Variants in EIF4E3 observed in about 807,000 individuals in gnomAD.
EIF4E3 encodes the protein eukaryotic translation initiation factor 4E family member 3.
EIF4E3 carries 26 observed loss-of-function variants against 31.7 expected under a neutral mutation model. That is an observed-to-expected ratio of 0.82 (90% CI 0.60 to 1.14). The LOEUF (loss-of-function observed/expected upper bound fraction) is 1.14, where lower values mean the gene tolerates loss of function less well. Among genes scored for constraint, EIF4E3 ranks in the 50% most tolerant of loss-of-function variants. EIF4E3 has a pLI of 0.00. For missense variants in EIF4E3, 304 were observed against 270.9 expected, an observed-to-expected ratio of 1.12 and a Z score of -0.86; for synonymous variants, 128 against 107.7, an observed-to-expected ratio of 1.19 and a Z score of -1.17.
exon 1 of EIF4E3, chr3:71,753,549 G>A (rs1248162845): frequency 6.6e-6 from 1 of 151,202 alleles, no homozygotes; most frequent in Admixed American, 6.6e-5. Context: ...CTGCTGCGGA[G>A]GCGCCCCCAG....
rs1282429052 is a variant in EIF4E3, at chr3:71,701,970, A to G, written c.250-2262T>C. Among the ~76,000 whole-genome samples, 5 of 152,168 alleles carry G rather than the reference A, an allele frequency of 3.3e-5. No individual in the cohort carries two copies. The East Asian group carries it at 9.6e-4, about 29-fold the overall frequency. ...TGTAAATGCTTTGCTATTTGTACAA[A>G]TAAGATTATTCCAATATTTCAGTTT... On this transcript the variant is annotated intron_variant, in intron 2 of 6. Transcript: ENST00000425534.
At chr3:71,672,232 A>AT (rs1449922197), downstream of EIF4E3, among the ~76,000 whole-genome samples, 4 of 151,974 alleles carry the variant, frequency 2.6e-5, no homozygotes, top group Admixed American at 1.3e-4. Context: ...TCACCGGGCG[A>AT]TTTTTTTTAA....
chr3:71,692,238 C>T (rs528173802), intron 5 of EIF4E3, among the ~76,000 whole-genome samples: 1 of 152,248 alleles, frequency 6.6e-6, no homozygotes, highest in East Asian at 1.9e-4. Context: ...TGGGAGGAGC[C>T]ACTGCTTAAA....
At chr3:71,754,017 C>T, upstream of EIF4E3, 21 of 1,130,660 alleles carry the variant, frequency 1.9e-5, no homozygotes, top group Non-Finnish European at 2.3e-5. This position sits in a 1 kb window ranked among gnomAD's most constrained non-coding sequence, Gnocchi z 5.8. Flanking sequence ...GGGGACGGCC[C>T]CGGGGCGGAG....
intron 1 of EIF4E3, among the ~76,000 whole-genome samples, chr3:71,750,404 C>T (rs573361384): frequency 6.6e-6 from 1 of 152,164 alleles, no homozygotes; most frequent in Non-Finnish European, 1.5e-5. Flanking sequence ...TGGGTTCTCC[C>T]TCCCACTCAG....
intron 1 of EIF4E3, among the ~76,000 whole-genome samples, chr3:71,744,007 T>C (rs950376682): frequency 1.3e-5 from 2 of 151,936 alleles, no homozygotes; most frequent in Admixed American, 6.5e-5. Flanking sequence ...GAAGAAAACA[T>C]AGGAGAAAAT....
chr3:71,692,887 GC>G (rs2049083081), intron 5 of EIF4E3, among the ~76,000 whole-genome samples: 1 of 152,090 alleles, frequency 6.6e-6, no homozygotes, highest in Non-Finnish European at 1.5e-5. Context: ...GGGCCACCAC[GC>G]CCAGCGCAGG....
Position 71,684,443 on chromosome 3 carries a change from A to T in EIF4E3, c.*239T>A. On this transcript the variant is annotated 3_prime_UTR_variant, in exon 7 of 7. Coordinates refer to ENST00000425534, the MANE Select transcript of EIF4E3 (RefSeq NM_001134651.2). The stretch of plus-strand genomic sequence containing the variant: ...AAAGAACAGAGAATTTAGAAAGCCA[A>T]AAAAAAAGTTTTTTGTGTGTGTTTT... 2.7e-6 allele frequency: 1 copy of T among 373,620 alleles called. No homozygotes were observed. 23.1% of individuals were successfully genotyped at this position (373,620 alleles called of 1,614,324 possible).
chr3:71,698,592 G>A (rs543053529), intron 3 of EIF4E3, among the ~76,000 whole-genome samples: 1 of 152,332 alleles, frequency 6.6e-6, no homozygotes, highest in East Asian at 1.9e-4. Flanking sequence ...TTCTGACCCA[G>A]GCTAGCCTAT....
At chr3:71,722,039 G>A (rs1490521321) in intron 1 of EIF4E3, among the ~76,000 whole-genome samples, 1 of 148,314 alleles carries the variant, frequency 6.7e-6, no homozygotes, top group Admixed American at 6.7e-5. Flanking sequence ...GTCCTGGGTG[G>A]GGCAGGAAGA....
At chr3:71,697,751 T>C (rs1278613604) in intron 3 of EIF4E3, among the ~76,000 whole-genome samples, 1 of 152,254 alleles carries the variant, frequency 6.6e-6, no homozygotes, top group Non-Finnish European at 1.5e-5. Context: ...AATTTCATTT[T>C]TTTGATGGCT....
chr3:71,747,228 C>A (rs1041132472), intron 1 of EIF4E3, among the ~76,000 whole-genome samples: 1 of 152,198 alleles, frequency 6.6e-6, no homozygotes, highest in Non-Finnish European at 1.5e-5. Context: ...CCAGCTGTAT[C>A]ATTTTCCACC....
rs557878658 is a variant in EIF4E3, at chr3:71,679,643, G to A, written c.*5039C>T. The A allele has an allele frequency of 1.3e-5, 2 of 152,124 alleles. No homozygotes were observed. Among genetic ancestry groups the A allele is most frequent in the Non-Finnish European group, 2.9e-5 (2 of 68,014 alleles). The allele number at this position is 152,124 out of a possible 1,614,324, so 9.4% of individuals were successfully genotyped here. A position where few individuals can be genotyped will look rare whatever the true frequency, so the allele number is the denominator to read the frequency against. On this transcript the variant is annotated 3_prime_UTR_variant, in exon 7 of 7. Transcript: ENST00000425534. ...AACAAAAAAATACTGACTTTGCAAT[G>A]ACTTTTGCTTATCACTCACATCGTT... is the stretch of plus-strand genomic sequence containing the variant.
At chr3:71,754,607 C>T (rs759748874), upstream of EIF4E3, 3 of 1,446,670 alleles carry the variant, frequency 2.1e-6, no homozygotes, top group Middle Eastern at 4.3e-4. This position sits in a 1 kb window ranked among gnomAD's most constrained non-coding sequence, Gnocchi z 5.8. Flanking sequence ...CGCTGGGCTT[C>T]CTGCTGCTGC....
chr3:71,725,174 G>T lies in EIF4E3; in HGVS notation c.176+18C>A. On this transcript the variant is annotated intron_variant, in intron 1 of 6. Transcript: ENST00000425534. This position sits in a 1 kb window ranked among gnomAD's most constrained non-coding sequence, Gnocchi z 6.1. ...ACCCGGGTCGGGGCCGTGCGCGGCGGGCCCCGCGCCCCCTCACCTGTCGAG... is the reference window on the plus strand; with the variant it reads ...ACCCGGGTCGGGGCCGTGCGCGGCGTGCCCCGCGCCCCCTCACCTGTCGAG... 1 of 1,081,622 alleles carries T rather than the reference G, an allele frequency of 9.2e-7. No homozygotes were observed. Among genetic ancestry groups the T allele is most frequent in the East Asian group, 6.9e-5 (1 of 14,426 alleles). 67.0% of individuals were successfully genotyped at this position (1,081,622 alleles called of 1,614,324 possible).
chr3:71,704,993 A>G (rs1048655883), intron 2 of EIF4E3, among the ~76,000 whole-genome samples: 3 of 152,212 alleles, frequency 2.0e-5, no homozygotes, highest in Non-Finnish European at 4.4e-5. Flanking sequence ...TGGATAAAGA[A>G]TCTTGTTATA....
At chr3:71,714,234 G>A (rs2321974) in intron 1 of EIF4E3, among the ~76,000 whole-genome samples, 58,111 of 145,696 alleles carry the variant, frequency 0.4, 12,396 homozygotes, top group African/African-American at 0.56. Context: ...AGAAAGAAGG[G>A]AAGAAGGAAA....
At chr3:71,689,748 A>C (rs1335122461) in intron 6 of EIF4E3, among the ~76,000 whole-genome samples, 4 of 152,118 alleles carry the variant, frequency 2.6e-5, no homozygotes, top group African/African-American at 9.7e-5. Context: ...TTCAGGTACA[A>C]ATTTTTGAAA....
At position 71,677,005 on chromosome 3, in the gene EIF4E3, T is replaced by C. The variant is rs1197509205; in HGVS notation, c.*7677A>G. The C allele has an allele frequency of 6.6e-6, 1 of 152,194 alleles. No homozygotes were observed. Among genetic ancestry groups the C allele is most frequent in the Non-Finnish European group, 1.5e-5 (1 of 68,036 alleles). 9.4% of individuals were successfully genotyped at this position (152,194 alleles called of 1,614,324 possible). ...AAGTTTCCTGAGTTAAAGAGGAAAT[T>C]GGGGAGTAAGAGCTTGTCCACATCT... On this transcript the variant is annotated 3_prime_UTR_variant, in exon 7 of 7. Coordinates refer to ENST00000425534, the MANE Select transcript of EIF4E3 (RefSeq NM_001134651.2).
Sources: gnomAD v4.1 joint callset for allele counts (sites outside exome capture counted in the v4.1 genomes callset) on GRCh38, gnomAD v4.1.1 for gene constraint, Gnocchi (gnomAD v3.1) non-coding constraint, MANE v1.5 for transcripts, NCBI Gene and HGNC (gene_info 2026-07-23, HGNC 2026-07-21) for gene names.